Variants in DMTN observed in about 807,000 individuals in gnomAD.
DMTN encodes dematin.
DMTN carries 27 observed loss-of-function variants against 59.4 expected under a neutral mutation model. That is an observed-to-expected ratio of 0.45 (90% confidence interval 0.33 to 0.63). DMTN has a LOEUF of 0.63. DMTN is among the 20% of genes least tolerant of loss of function. The pLI is 0.02. For synonymous variants in DMTN, 221 were observed against 203.7 expected, an observed-to-expected ratio of 1.08 and a Z score of -0.72; for missense variants, 451 against 528.9, an observed-to-expected ratio of 0.85 and a Z score of 1.45.
chr8:22,060,730 G>A lies in DMTN; in HGVS notation c.-172+3594G>A, dbSNP rs1267210591. Among the ~76,000 whole-genome samples, 4 of 152,260 alleles carry A rather than the reference G, an allele frequency of 2.6e-5. No individual in the cohort carries two copies. The highest frequency in any genetic ancestry group is 7.2e-5 in the African/African-American group (3 of 41,478). ...CTAAAGCGCAAGACCCAGCAGTGGG[G>A]TTGTGGGCAGGAAGGGACTGGAGAC... On this transcript the variant is annotated intron_variant, in intron 1 of 15. Coordinates refer to ENST00000358242, the MANE Select transcript of DMTN (RefSeq NM_001387751.1). This position sits in a 1 kb window ranked among gnomAD's most constrained non-coding sequence, Gnocchi z 5.0.
intron 10 of DMTN, among the ~76,000 whole-genome samples, chr8:22,079,302 T>TGTATATATATA (rs1563540020): frequency 1.2e-3 from 18 of 15,534 alleles, no homozygotes; most frequent in East Asian, 0.019. Context: ...ATATATATAT[T>TGTATATATATA]AGCTGGGTTT....
chr8:22,050,063 C>G (rs1039512032), upstream of DMTN, among the ~76,000 whole-genome samples: 1 of 152,174 alleles, frequency 6.6e-6, no homozygotes, highest in Non-Finnish European at 1.5e-5. Flanking sequence ...CCCTACTGCT[C>G]GTCATAATTG....
chr8:22,079,269 A>ATATATATATATATATATATATATATAT (rs1554562269), intron 10 of DMTN, among the ~76,000 whole-genome samples: 1 of 21,202 alleles, frequency 4.7e-5, no homozygotes, highest in African/African-American at 1.7e-4. Context: ...TAAATAAATA[A>ATATATATATATATATATATATATATAT]ATAAATAAAT....
At position 22,066,871 on chromosome 8, in the gene DMTN, G is replaced by A. The variant is rs1056232697; in HGVS notation, c.-5G>A. The A allele has an allele frequency of 2.2e-6, 3 of 1,377,878 alleles. No homozygotes were observed. The highest frequency in any genetic ancestry group is 2.8e-6 in the Non-Finnish European group (3 of 1,062,662). 85.4% of individuals were successfully genotyped at this position (1,377,878 alleles called of 1,614,324 possible). On this transcript the variant is annotated 5_prime_UTR_variant, in exon 2 of 16. Coordinates refer to ENST00000358242, the MANE Select transcript of DMTN (RefSeq NM_001387751.1). ...GAGTGACCCGGCGGGCGAGCTCCGT[G>A]CTGCATGGAACGGCTGCAGAAGGTG...
Position 22,070,170 on chromosome 8 carries a change from C to T in DMTN, c.452-12C>T, listed in dbSNP as rs1400445322. 6.4e-7 allele frequency: 1 copy of T among 1,572,436 alleles called. No individual in the cohort carries two copies. The highest frequency in any genetic ancestry group is 1.4e-5 in the African/African-American group (1 of 73,998). On this transcript the variant is annotated splice_polypyrimidine_tract_variant and intron_variant, in intron 7 of 15. Transcript: ENST00000358242. Reference sequence around the variant, plus strand: ...CAGGGCACACCTGGCTGACCCTGGCCTTTGTCTGCAGAGTCCGTGGGAGGC... The same window carrying T: ...CAGGGCACACCTGGCTGACCCTGGCTTTTGTCTGCAGAGTCCGTGGGAGGC...
At chr8:22,080,760 G>A in intron 13 of DMTN, 45 bp from the exon 14 acceptor site, 1 of 1,596,654 alleles carries the variant, frequency 6.3e-7, no homozygotes, top group Non-Finnish European at 8.5e-7. Context: ...GGCTGGGAAG[G>A]TCTCCCTGCC....
At chr8:22,050,154 T>C (rs1340088929), upstream of DMTN, among the ~76,000 whole-genome samples, 1 of 152,204 alleles carries the variant, frequency 6.6e-6, no homozygotes, top group Non-Finnish European at 1.5e-5. Context: ...TTGGGGGTAG[T>C]TTTCTGGGAT....
chr8:22,075,042 C>G (rs1818605175), intron 10 of DMTN, among the ~76,000 whole-genome samples: 1 of 151,906 alleles, frequency 6.6e-6, no homozygotes, highest in Non-Finnish European at 1.5e-5. Context: ...CAAAAATTAG[C>G]CAGGCATGGT....
At chr8:22,064,929 ACCTCTCTGAG>A (rs1300274246) in intron 1 of DMTN, among the ~76,000 whole-genome samples, 3 of 151,826 alleles carry the variant, frequency 2.0e-5, no homozygotes, top group Admixed American at 2.0e-4. Context: ...CAAATTTTTA[ACCTCTCTGAG>A]CCCGTTTCCT....
intron 1 of DMTN, among the ~76,000 whole-genome samples, chr8:22,059,943 C>T (rs1443718081): frequency 6.6e-6 from 1 of 152,130 alleles, no homozygotes; most frequent in Non-Finnish European, 1.5e-5. Flanking sequence ...GGTCTTATCA[C>T]CCACATCCTG....
chr8:22,063,754 C>T (rs1429787837), intron 1 of DMTN, among the ~76,000 whole-genome samples: 1 of 152,196 alleles, frequency 6.6e-6, no homozygotes, highest in Non-Finnish European at 1.5e-5. Flanking sequence ...CCAATAAACC[C>T]TTTCCCCTCT....
At chr8:22,081,092 T>TGGGGGGGGGGGGGGGGGGGGGGGGGGGGC in intron 14 of DMTN, 21 bp from the exon 15 acceptor site, 1 of 1,547,314 alleles carries the variant, frequency 6.5e-7, no homozygotes, top group Non-Finnish European at 8.9e-7. Flanking sequence ...AGCCTAAGAT[T>TGGGGGGGGGGGGGGGGGGGGGGGGGGGGC]GCCCCTCCCC....
chr8:22,056,040 G>A (rs1802431706), upstream of DMTN, among the ~76,000 whole-genome samples: 1 of 152,178 alleles, frequency 6.6e-6, no homozygotes, highest in African/African-American at 2.4e-5. Flanking sequence ...TCCCCATCCT[G>A]CCCAGGGGGC....
intron 10 of DMTN, among the ~76,000 whole-genome samples, chr8:22,077,665 G>A (rs1416462673): frequency 6.6e-6 from 1 of 152,170 alleles, no homozygotes; most frequent in African/African-American, 2.4e-5. Context: ...AGTTGAAATA[G>A]CCAGATGCCT....
In DMTN at chr8:22,080,820, A is replaced by T; in HGVS notation, c.973A>T (p.Arg325Trp). 1 of 1,602,916 alleles carries T rather than the reference A, an allele frequency of 6.2e-7. No individual in the cohort carries two copies. Among genetic ancestry groups the T allele is most frequent in the Non-Finnish European group, 8.5e-7 (1 of 1,172,824 alleles). The change falls in exon 14 of 16, where the codon AGG becomes TGG. Residue 325 changes from arginine to tryptophan, a missense_variant. Arg to Trp is a moderately radical substitution (Grantham distance 101, BLOSUM62 -3). Coordinates refer to ENST00000358242, the MANE Select transcript of DMTN (RefSeq NM_001387751.1). The stretch of plus-strand genomic sequence containing the variant: ...GTCTCCCCAGAACGGAGAGGGCCAG[A>T]GGGGGAGGATGGACCGGGGGAACTC... ...SPGLQNGEGQ[R>W]GRMDRGNSLP...
chr8:22,068,314 A>T (rs954813360), intron 4 of DMTN, among the ~76,000 whole-genome samples: 40 of 152,178 alleles, frequency 2.6e-4, no homozygotes, highest in African/African-American at 8.9e-4. Flanking sequence ...GGTGGCTCAC[A>T]CCTATAATCC....
At chr8:22,075,733 G>C (rs1484333146) in intron 10 of DMTN, among the ~76,000 whole-genome samples, 7 of 152,054 alleles carry the variant, frequency 4.6e-5, no homozygotes, top group African/African-American at 1.7e-4. Context: ...TGGCCAGGCT[G>C]CTCTCAAATT....
At position 22,076,910 on chromosome 8, in the gene DMTN, C is replaced by T. The variant is rs1041154347; in HGVS notation, c.835+3075C>T. ...TCCAGGGGCAGGCCAGATGAGAAGC[C>T]GAGGTTGTCTGCTGAGCGTTAGAGG... On this transcript the variant is annotated intron_variant, in intron 10 of 15. Transcript: ENST00000358242. Among the ~76,000 whole-genome samples the T allele has an allele frequency of 8.6e-5, 13 of 152,044 alleles. No homozygotes were observed. The East Asian group carries it at 2.3e-3, about 27-fold the overall frequency.
Position 22,072,550 on chromosome 8 carries a change from C to T in DMTN, c.729+100C>T, listed in dbSNP as rs1314368959. 46 of 1,292,852 alleles carry T rather than the reference C, an allele frequency of 3.6e-5. No homozygotes were observed. In the South Asian group the frequency reaches 5.5e-4, roughly 16 times the overall value. 80.1% of individuals were successfully genotyped at this position (1,292,852 alleles called of 1,614,324 possible). On this transcript the variant is annotated intron_variant, in intron 9 of 15. Coordinates refer to ENST00000358242, the MANE Select transcript of DMTN (RefSeq NM_001387751.1). The stretch of plus-strand genomic sequence containing the variant: ...CATGATCTCAGATCACTGCAACCTC[C>T]GCTCCCAGGTTCAAGTGATTCTCCT...
Sources: allele counts gnomAD v4.1 joint callset (sites outside exome capture counted in the v4.1 genomes callset), GRCh38; gene constraint gnomAD v4.1.1; non-coding constraint Gnocchi (gnomAD v3.1); transcripts MANE v1.5; gene names NCBI Gene and HGNC (gene_info 2026-07-23, HGNC 2026-07-21).